The following DHX35 variants were observed in gnomAD, a reference collection of about 807,000 sequenced individuals.
The protein encoded by DHX35 is probable ATP-dependent RNA helicase DHX35.
A neutral mutation model predicts 99.6 loss-of-function variants in DHX35; 84 were observed. The observed-to-expected ratio is 0.84, with a 90% CI of 0.71 to 1.01. The LOEUF (loss-of-function observed/expected upper bound fraction) is 1.01, where lower values mean the gene tolerates loss of function less well. DHX35 is among the 50% of genes least tolerant of loss of function. The probability of loss-of-function intolerance (pLI) is 0.00; values close to 1 mark genes in which losing one functional copy is unlikely to be tolerated. For missense variants in DHX35, 852 were observed against 888.5 expected, an observed-to-expected ratio of 0.96 and a Z score of 0.52; for synonymous variants, 331 against 316.2, an observed-to-expected ratio of 1.05 and a Z score of -0.50.
At chr20:39,035,390 C>T (rs1470650244) in intron 21 of DHX35, among the ~76,000 whole-genome samples, 4 of 152,196 alleles carry the variant, frequency 2.6e-5, no homozygotes, top group Non-Finnish European at 5.9e-5. Flanking sequence ...AAAAGGGTTA[C>T]AGCCCTGTGC....
chr20:38,971,179 C>G (rs80280540), intron 2 of DHX35, among the ~76,000 whole-genome samples: 5 of 151,940 alleles, frequency 3.3e-5, no homozygotes, highest in African/African-American at 9.7e-5. Flanking sequence ...ATGGTGAAAC[C>G]CCATCTCTAC....
intron 14 of DHX35, among the ~76,000 whole-genome samples, chr20:39,015,410 G>A (rs915426034): frequency 2.0e-5 from 3 of 152,250 alleles, no homozygotes; most frequent in Admixed American, 6.5e-5. Context: ...TTCAGTTGTC[G>A]ATTGAAGATG....
At chr20:38,966,238 C>T (rs956979755) in intron 1 of DHX35, among the ~76,000 whole-genome samples, 18 of 152,198 alleles carry the variant, frequency 1.2e-4, no homozygotes, top group African/African-American at 3.6e-4. Context: ...ATAGAGCGTA[C>T]GCTCAAGGAA....
chr20:38,990,052 C>A (rs1474316023), intron 5 of DHX35, among the ~76,000 whole-genome samples: 1 of 152,158 alleles, frequency 6.6e-6, no homozygotes, highest in Non-Finnish European at 1.5e-5. Flanking sequence ...TTGTTATATT[C>A]ATTTTGCTAG....
At chr20:39,037,618 G>A (rs1353064583) in intron 21 of DHX35, among the ~76,000 whole-genome samples, 1 of 152,186 alleles carries the variant, frequency 6.6e-6, no homozygotes, top group Admixed American at 6.5e-5. Context: ...CTCCGGAGCA[G>A]TCAGGGTGGG....
At position 39,025,354 on chromosome 20, in the gene DHX35, G is replaced by C. The variant is rs760247945; in HGVS notation, c.1796G>C (p.Ser599Thr). Residue 599 changes from serine to threonine, a missense_variant, in exon 18 of 22, where the codon AGT becomes ACT. By Grantham distance (58) the Ser-to-Thr change is moderately conservative (BLOSUM62 1). Coordinates refer to ENST00000252011, the MANE Select transcript of DHX35 (RefSeq NM_021931.4). ...LVKFQVPRKS[S>T]EGDPDLVLRC... ...AAGTTTCAAGTGCCCAGGAAGTCTA[G>C]TGAAGGTGAGAAGAAACCGTCCCAG... is the stretch of plus-strand genomic sequence containing the variant. The C allele has an allele frequency of 1.9e-6, 3 of 1,613,340 alleles. No homozygotes were observed. In the South Asian group the frequency reaches 3.3e-5, roughly 18 times the overall value.
At chr20:38,993,314 A>C (rs1281286026) in intron 7 of DHX35, among the ~76,000 whole-genome samples, 1 of 152,236 alleles carries the variant, frequency 6.6e-6, no homozygotes, top group African/African-American at 2.4e-5. Context: ...AGAAAGTAAA[A>C]AAATTCAGGT....
chr20:39,012,637 C>G (rs1391186923), intron 13 of DHX35, among the ~76,000 whole-genome samples: 1 of 151,856 alleles, frequency 6.6e-6, no homozygotes, highest in Admixed American at 6.6e-5. Context: ...TCAAGTGATT[C>G]TCGTATCTCA....
chr20:38,967,354 C>T (rs1318732802), intron 1 of DHX35, among the ~76,000 whole-genome samples: 1 of 152,184 alleles, frequency 6.6e-6, no homozygotes, highest in Non-Finnish European at 1.5e-5. Flanking sequence ...TGGTTATTAT[C>T]ACTGTAGTGC....
intron 14 of DHX35, among the ~76,000 whole-genome samples, chr20:39,016,868 CTTTTT>C (rs777635952): frequency 1.9e-5 from 2 of 106,460 alleles, no homozygotes; most frequent in East Asian, 5.7e-4. Flanking sequence ...GTGCTGTTGT[CTTTTT>C]TTTTTTTTTT....
At chr20:38,999,704 C>T (rs1009092311) in intron 8 of DHX35, among the ~76,000 whole-genome samples, 5 of 152,226 alleles carry the variant, frequency 3.3e-5, no homozygotes, top group African/African-American at 1.2e-4. Context: ...CACACTTTGT[C>T]TCCCCTGCAC....
chr20:39,009,895 A>C (rs1481209999), intron 12 of DHX35, among the ~76,000 whole-genome samples: 1 of 152,102 alleles, frequency 6.6e-6, no homozygotes, highest in Non-Finnish European at 1.5e-5. Flanking sequence ...TTGGTGATTT[A>C]TCTTGAAATT....
chr20:38,988,742 A>T (rs1209668725), intron 4 of DHX35, 71 bp from the exon 5 acceptor site: 31 of 1,591,514 alleles, frequency 1.9e-5, no homozygotes, highest in Non-Finnish European at 2.7e-5. Context: ...TGACCTTTAG[A>T]TTTTCCATAG....
intron 21 of DHX35, among the ~76,000 whole-genome samples, chr20:39,036,625 C>CAGGTGAGGCAAGGTTCAAG (rs2087155297): frequency 6.8e-6 from 1 of 146,550 alleles, no homozygotes; most frequent in Non-Finnish European, 1.5e-5. Flanking sequence ...ACTTGGGAGG[C>CAGGTGAGGCAAGGTTCAAG]TGAGGCAGGA....
chr20:39,023,667 G>A, intron 16 of DHX35, 23 bp from the exon 17 acceptor site: 2 of 1,611,424 alleles, frequency 1.2e-6, no homozygotes, highest in Non-Finnish European at 8.5e-7. Flanking sequence ...GTGAAATTCT[G>A]AATGTTGCTT....
chr20:38,971,770 T>C (rs1262719599), intron 2 of DHX35, among the ~76,000 whole-genome samples: 2 of 152,194 alleles, frequency 1.3e-5, no homozygotes, highest in Non-Finnish European at 2.9e-5. Flanking sequence ...TATCTTATAG[T>C]TCATTCCATA....
chr20:39,001,817 C>G lies in DHX35; in HGVS notation c.730C>G (p.Pro244Ala). 1 of 1,612,930 alleles carries G rather than the reference C, an allele frequency of 6.2e-7. No homozygotes were observed. The highest frequency in any genetic ancestry group is 8.5e-7 in the Non-Finnish European group (1 of 1,179,300). Residue 244 changes from proline to alanine, a missense_variant, in exon 9 of 22, where the codon CCG (proline) becomes GCG (alanine). Physicochemically the swap from Pro to Ala is conservative, Grantham distance 27. Transcript: ENST00000252011. The stretch of plus-strand genomic sequence containing the variant: ...CCTTACAGTGGAAGGGAGAACATTT[C>G]CGGTGGATATCTTTTATCTACAAAG... ...VILTVEGRTF[P>A]VDIFYLQSPV...
intron 17 of DHX35, among the ~76,000 whole-genome samples, chr20:39,024,716 A>C (rs752571685): frequency 7.2e-5 from 11 of 152,264 alleles, no homozygotes; most frequent in Non-Finnish European, 1.5e-4. Context: ...ACATTTCCAC[A>C]GCAATAATTT....
At chr20:38,962,570 G>C in intron 1 of DHX35, 163 bp downstream of exon 1, 1 of 814,588 alleles carries the variant, frequency 1.2e-6, no homozygotes, top group Non-Finnish European at 1.9e-6. Flanking sequence ...GCTCCCCAGT[G>C]GTCCCGAGGG....
Sources: gnomAD v4.1 joint callset for allele counts (sites outside exome capture counted in the v4.1 genomes callset) on GRCh38, gnomAD v4.1.1 for gene constraint, MANE v1.5 for transcripts, NCBI Gene and HGNC (gene_info 2026-07-23, HGNC 2026-07-21) for gene names.